PXDNL: variants seen among roughly 807,000 people sequenced by gnomAD.
PXDNL encodes probable oxidoreductase PXDNL.
In PXDNL, 145 loss-of-function variants were observed where a neutral mutation model predicts 150.8. The ratio of observed to expected loss-of-function variants is 0.96; its 90% confidence interval spans 0.84 to 1.10. PXDNL has a LOEUF of 1.10. PXDNL is among the 50% of genes least tolerant of loss of function. The probability of loss-of-function intolerance (pLI) is 0.00; values close to 1 mark genes in which losing one functional copy is unlikely to be tolerated. For missense variants in PXDNL, 2,087 were observed against 1,873.9 expected (o/e 1.11, Z -2.10); for synonymous variants, 757 against 725.7 (o/e 1.04, Z -0.69).
intron 5 of PXDNL, among the ~76,000 whole-genome samples, chr8:51,492,833 C>A (rs1189269602): frequency 6.6e-6 from 1 of 152,230 alleles, no homozygotes; most frequent in Non-Finnish European, 1.5e-5. Flanking sequence ...GCCTGCCTGC[C>A]TCTGTAGACT....
chr8:51,661,534 A>G (rs1815269049), intron 1 of PXDNL, among the ~76,000 whole-genome samples: 1 of 152,236 alleles, frequency 6.6e-6, no homozygotes, highest in Non-Finnish European at 1.5e-5. Flanking sequence ...CCGCTGAGGA[A>G]GAGGGAAGCT....
chr8:51,801,819 G>C (rs1023712072), intron 1 of PXDNL, among the ~76,000 whole-genome samples: 1 of 152,182 alleles, frequency 6.6e-6, no homozygotes, highest in Non-Finnish European at 1.5e-5. Flanking sequence ...TATTTAGTTA[G>C]ATAAAATGTC....
chr8:51,371,110 C>T (rs956805372), intron 19 of PXDNL, among the ~76,000 whole-genome samples: 6 of 152,224 alleles, frequency 3.9e-5, no homozygotes, highest in Non-Finnish European at 7.3e-5. Context: ...GTGACAGACA[C>T]CTGCTCACCT....
At chr8:51,710,724 TAGC>T (rs1816480966) in intron 1 of PXDNL, among the ~76,000 whole-genome samples, 1 of 152,242 alleles carries the variant, frequency 6.6e-6, no homozygotes, top group East Asian at 1.9e-4. Flanking sequence ...TTATTTCATT[TAGC>T]ATAATGTCTT....
intron 1 of PXDNL, among the ~76,000 whole-genome samples, chr8:51,782,798 A>C (rs1487971622): frequency 6.6e-6 from 1 of 152,222 alleles, no homozygotes; most frequent in East Asian, 1.9e-4. Context: ...GGGTTAACAT[A>C]ACCTTATCCC....
At chr8:51,470,541 A>T (rs1810304488) in intron 8 of PXDNL, among the ~76,000 whole-genome samples, 1 of 152,168 alleles carries the variant, frequency 6.6e-6, no homozygotes, top group Admixed American at 6.5e-5. Flanking sequence ...TAATGATAAT[A>T]TAATTGTCCA....
intron 2 of PXDNL, among the ~76,000 whole-genome samples, chr8:51,610,546 T>C (rs576747965): frequency 7.9e-5 from 12 of 152,288 alleles, no homozygotes; most frequent in Non-Finnish European, 1.6e-4. Flanking sequence ...TATTTATTAA[T>C]TTTCTATTGC....
At chr8:51,552,096 C>G (rs1309390223) in intron 4 of PXDNL, among the ~76,000 whole-genome samples, 1 of 152,160 alleles carries the variant, frequency 6.6e-6, no homozygotes, top group Non-Finnish European at 1.5e-5. Context: ...CACTCATTAT[C>G]AGGAAAATGC....
At position 51,487,517 on chromosome 8, in the gene PXDNL, C is replaced by T. The variant is rs150777623; in HGVS notation, c.453-3803G>A. On this transcript the variant is annotated intron_variant, in intron 5 of 22. Coordinates refer to ENST00000356297, the MANE Select transcript of PXDNL (RefSeq NM_144651.5). The stretch of plus-strand genomic sequence containing the variant: ...TTAATACCAACCATAAATTTTTAGC[C>T]AAAAAGTCCAAATTCTGTAATGCTT... 3.3e-4 allele frequency among the ~76,000 whole-genome samples: 50 copies of T among 151,848 alleles called. 1 individual carries two copies. Among genetic ancestry groups the T allele is most frequent in the African/African-American group, 1.2e-3 (48 of 41,376 alleles).
At chr8:51,374,966 C>A (rs1482019661) in intron 17 of PXDNL, among the ~76,000 whole-genome samples, 1 of 152,156 alleles carries the variant, frequency 6.6e-6, no homozygotes, top group Non-Finnish European at 1.5e-5. Context: ...CACCAAGCCT[C>A]ATGCAATGTC....
intron 3 of PXDNL, among the ~76,000 whole-genome samples, chr8:51,580,179 A>G (rs983082046): frequency 6.6e-6 from 1 of 152,082 alleles, no homozygotes; most frequent in Non-Finnish European, 1.5e-5. Context: ...AAGCGAATGC[A>G]GCTATAAAAG....
intron 1 of PXDNL, among the ~76,000 whole-genome samples, chr8:51,768,925 C>T (rs868725547): frequency 6.6e-6 from 1 of 152,136 alleles, no homozygotes; most frequent in African/African-American, 2.4e-5. Context: ...GAAACCCCGT[C>T]TCTACTAAAA....
chr8:51,660,859 C>G (rs1399681109), intron 1 of PXDNL, among the ~76,000 whole-genome samples: 1 of 152,150 alleles, frequency 6.6e-6, no homozygotes, highest in East Asian at 1.9e-4. Flanking sequence ...AGGGCAGACT[C>G]TACTCCCTGT....
At chr8:51,557,369 T>C (rs2130544873) in intron 3 of PXDNL, among the ~76,000 whole-genome samples, 1 of 152,276 alleles carries the variant, frequency 6.6e-6, no homozygotes, top group Middle Eastern at 3.4e-3. Flanking sequence ...CTCCTGTGGC[T>C]GCTGTTGAAA....
chr8:51,399,895 G>A (rs2130860242), intron 17 of PXDNL, among the ~76,000 whole-genome samples: 1 of 152,288 alleles, frequency 6.6e-6, no homozygotes, highest in Middle Eastern at 3.4e-3. Flanking sequence ...CTATGATTTT[G>A]TATGGCATAT....
intron 1 of PXDNL, among the ~76,000 whole-genome samples, chr8:51,787,576 G>A (rs529407230): frequency 6.6e-6 from 1 of 152,334 alleles, no homozygotes; most frequent in South Asian, 2.1e-4. Flanking sequence ...TGATATGACT[G>A]AATTGCTGCA....
intron 4 of PXDNL, among the ~76,000 whole-genome samples, chr8:51,501,715 CACAT>C (rs1199686507): frequency 6.6e-6 from 1 of 152,156 alleles, no homozygotes; most frequent in Non-Finnish European, 1.5e-5. Context: ...CAGTCACACA[CACAT>C]ACTCCCACAC....
chr8:51,575,929 A>C (rs1255877696), intron 3 of PXDNL, among the ~76,000 whole-genome samples: 1 of 152,068 alleles, frequency 6.6e-6, no homozygotes, highest in Non-Finnish European at 1.5e-5. Flanking sequence ...TTAGGGAAGA[A>C]TATTTTATAA....
intron 1 of PXDNL, among the ~76,000 whole-genome samples, chr8:51,749,536 G>A (rs4626584): frequency 2.0e-5 from 3 of 151,626 alleles, no homozygotes; most frequent in African/African-American, 7.3e-5. Flanking sequence ...GATTAAAAAC[G>A]GTCCGCCTGC....
Sources: gnomAD v4.1 joint callset for allele counts (sites outside exome capture counted in the v4.1 genomes callset) on GRCh38, gnomAD v4.1.1 for gene constraint, MANE v1.5 for transcripts, NCBI Gene and HGNC (gene_info 2026-07-23, HGNC 2026-07-21) for gene names.